The following SDK1 variants were observed in gnomAD, a reference collection of about 807,000 sequenced individuals.
SDK1 encodes sidekick cell adhesion molecule 1.
A neutral mutation model predicts 245.5 loss-of-function variants in SDK1; 157 were observed. The observed-to-expected ratio is 0.64, with a 90% CI of 0.56 to 0.73. The LOEUF is 0.73. Among genes scored for constraint, SDK1 ranks in the 30% least tolerant of loss-of-function variants. The probability of loss-of-function intolerance (pLI) is 0.00; values close to 1 mark genes in which losing one functional copy is unlikely to be tolerated. For synonymous variants in SDK1, 1,647 were observed against 1,278.5 expected (o/e 1.29, Z -6.15); for missense variants, 3,583 against 3,002.3 (o/e 1.19, Z -4.52).
intron 1 of SDK1, among the ~76,000 whole-genome samples, chr7:3,343,567 C>G (rs564649843): frequency 6.6e-6 from 1 of 152,232 alleles, no homozygotes; most frequent in South Asian, 2.1e-4. Context: ...GGTGGAAATA[C>G]TCTATCTTGG....
At chr7:3,807,349 T>G (rs562065802) in intron 4 of SDK1, among the ~76,000 whole-genome samples, 2 of 152,116 alleles carry the variant, frequency 1.3e-5, no homozygotes, top group South Asian at 4.2e-4. Flanking sequence ...ATAACTCGGG[T>G]GGTGTGGGGG....
At chr7:3,882,413 G>A (rs1222543389) in intron 5 of SDK1, among the ~76,000 whole-genome samples, 20 of 152,164 alleles carry the variant, frequency 1.3e-4, no homozygotes, top group Admixed American at 1.3e-3. Flanking sequence ...GATGCGGGAG[G>A]CCCCTCTTTC....
chr7:3,751,190 C>T (rs897468574), intron 4 of SDK1, among the ~76,000 whole-genome samples: 7 of 152,184 alleles, frequency 4.6e-5, no homozygotes, highest in African/African-American at 9.7e-5. Flanking sequence ...CAAGCCCTTA[C>T]TAAAATAAAA....
chr7:4,014,698 G>A (rs1583832190), intron 16 of SDK1, among the ~76,000 whole-genome samples: 12 of 152,264 alleles, frequency 7.9e-5, no homozygotes, highest in Non-Finnish European at 1.5e-5. Flanking sequence ...GGAGCATAGG[G>A]GTTATGTCCT....
chr7:3,385,621 C>T (rs1309077921), intron 1 of SDK1, among the ~76,000 whole-genome samples: 1 of 152,112 alleles, frequency 6.6e-6, no homozygotes, highest in East Asian at 1.9e-4. Flanking sequence ...CATCTTATTT[C>T]AGCTCTCAGT....
intron 4 of SDK1, among the ~76,000 whole-genome samples, chr7:3,644,812 C>T (rs1018172472): frequency 6.8e-5 from 9 of 131,616 alleles, no homozygotes; most frequent in Non-Finnish European, 1.3e-4. Context: ...ACAACAACGG[C>T]GGGGCAGGGG....
At chr7:3,482,037 A>G (rs1781537141) in intron 1 of SDK1, among the ~76,000 whole-genome samples, 1 of 152,240 alleles carries the variant, frequency 6.6e-6, no homozygotes, top group African/African-American at 2.4e-5. Context: ...AAAAATGTCA[A>G]ACATCTATTA....
chr7:4,261,409 C>G (rs1787994064), intron 44 of SDK1, among the ~76,000 whole-genome samples: 1 of 152,072 alleles, frequency 6.6e-6, no homozygotes, highest in South Asian at 2.1e-4. Flanking sequence ...CCGCCTCCAG[C>G]TGCAAGGACG....
At chr7:4,129,514 A>G (rs4355686) in intron 26 of SDK1, among the ~76,000 whole-genome samples, 4,564 of 152,156 alleles carry the variant, frequency 0.03, 97 homozygotes, top group Admixed American at 0.043. Context: ...GGGGCAGGAA[A>G]CCAGCTTCCA....
intron 4 of SDK1, 137 bp from the exon 5 acceptor site, chr7:3,821,313 C>T (rs778381050): frequency 5.3e-6 from 5 of 937,154 alleles, no homozygotes; most frequent in Non-Finnish European, 7.8e-6. Flanking sequence ...TAAAGTCGGC[C>T]TGTGTATTGT....
In SDK1 at chr7:3,687,234, C is replaced by T. The variant is rs1013718252; in HGVS notation, c.713+45129C>T. On this transcript the variant is annotated intron_variant, in intron 4 of 44. Transcript: ENST00000404826. The stretch of plus-strand genomic sequence containing the variant: ...GTCGCCAGGCTGGAATGCAGTGGTG[C>T]GATCTCAGCTCAGCCTCCCAAGGAG... 4.7e-5 allele frequency among the ~76,000 whole-genome samples: 7 copies of T among 149,920 alleles called. No individual in the cohort carries two copies. In the East Asian group the frequency reaches 7.8e-4, roughly 17 times the overall value.
intron 4 of SDK1, among the ~76,000 whole-genome samples, chr7:3,664,568 G>A (rs1475639296): frequency 1.3e-5 from 2 of 151,900 alleles, no homozygotes; most frequent in African/African-American, 4.8e-5. Flanking sequence ...GTGAAACCAT[G>A]TCTTCTACTA....
chr7:3,431,606 A>G (rs183398606), intron 1 of SDK1, among the ~76,000 whole-genome samples: 167 of 152,284 alleles, frequency 1.1e-3, no homozygotes, highest in African/African-American at 3.9e-3. Context: ...GAGTGGGAGA[A>G]TCAAACTTTT....
At chr7:3,908,162 G>C (rs1779023543) in intron 5 of SDK1, among the ~76,000 whole-genome samples, 1 of 152,156 alleles carries the variant, frequency 6.6e-6, no homozygotes, top group Admixed American at 6.5e-5. Context: ...CGTGCTGAGG[G>C]CTGCGGTACA....
At chr7:3,529,142 C>T (rs1384933974) in intron 1 of SDK1, among the ~76,000 whole-genome samples, 1 of 152,070 alleles carries the variant, frequency 6.6e-6, no homozygotes, top group Non-Finnish European at 1.5e-5. Context: ...AGGTGTTAGA[C>T]TAGAATTGGA....
intron 4 of SDK1, among the ~76,000 whole-genome samples, chr7:3,780,193 C>T (rs1281781515): frequency 6.6e-6 from 1 of 152,220 alleles, no homozygotes; most frequent in Non-Finnish European, 1.5e-5. Flanking sequence ...CTGCCCCTTC[C>T]CATCTCCCAA....
intron 5 of SDK1, among the ~76,000 whole-genome samples, chr7:3,889,186 A>T (rs1781400600): frequency 1.3e-5 from 2 of 152,226 alleles, no homozygotes; most frequent in African/African-American, 2.4e-5. Context: ...ATCAAATATT[A>T]AGATCCTTGA....
chr7:3,390,493 G>A (rs566840134), intron 1 of SDK1, among the ~76,000 whole-genome samples: 9 of 152,078 alleles, frequency 5.9e-5, no homozygotes, highest in African/African-American at 2.2e-4. Context: ...CCCCAGAAAA[G>A]TTATTTTCAC....
intron 31 of SDK1, among the ~76,000 whole-genome samples, chr7:4,160,368 A>G (rs931830741): frequency 6.6e-6 from 1 of 152,156 alleles, no homozygotes; most frequent in Non-Finnish European, 1.5e-5. Context: ...CAAAAGGACC[A>G]TTTTTGAAAA....
Sources: gnomAD v4.1 joint callset for allele counts (sites outside exome capture counted in the v4.1 genomes callset) on GRCh38, gnomAD v4.1.1 for gene constraint, MANE v1.5 for transcripts, NCBI Gene and HGNC (gene_info 2026-07-23, HGNC 2026-07-21) for gene names.